The following IGF2BP3 variants were observed in gnomAD, a reference collection of about 807,000 sequenced individuals.
The protein encoded by IGF2BP3 is insulin-like growth factor 2 mRNA-binding protein 3.
Under a neutral mutation model 73.8 loss-of-function variants are expected in IGF2BP3, and 9 were observed. The ratio of observed to expected loss-of-function variants is 0.12; its 90% CI spans 0.07 to 0.21. The LOEUF is 0.21. IGF2BP3 is among the 10% of genes least tolerant of loss of function. The probability of loss-of-function intolerance (pLI) is 1.00; values close to 1 mark genes in which losing one functional copy is unlikely to be tolerated. For missense variants in IGF2BP3, 542 were observed against 714.0 expected, an observed-to-expected ratio of 0.76 and a Z score of 2.75; for synonymous variants, 258 against 256.7, an observed-to-expected ratio of 1.01 and a Z score of -0.05.
intron 3 of IGF2BP3, among the ~76,000 whole-genome samples, chr7:23,398,380 CA>C (rs1390382853): frequency 6.6e-6 from 1 of 152,160 alleles, no homozygotes; most frequent in Non-Finnish European, 1.5e-5. Context: ...CATATGTGTG[CA>C]TGTGTCTTTA....
intron 8 of IGF2BP3, among the ~76,000 whole-genome samples, chr7:23,344,467 C>T (rs1268006815): frequency 2.0e-5 from 3 of 152,110 alleles, no homozygotes; most frequent in Non-Finnish European, 2.9e-5. Flanking sequence ...AATGGTTCAC[C>T]GATGCCATTT....
chr7:23,367,408 G>C (rs1483771786), intron 3 of IGF2BP3, among the ~76,000 whole-genome samples: 1 of 145,096 alleles, frequency 6.9e-6, no homozygotes, highest in African/African-American at 2.8e-5. Flanking sequence ...ATCATTCTAT[G>C]TCAGCCACAA....
chr7:23,434,003 G>C, intron 2 of IGF2BP3, among the ~76,000 whole-genome samples: 1 of 151,290 alleles, frequency 6.6e-6, no homozygotes. Context: ...GCTTAAACCT[G>C]GAAGGCAGAG....
chr7:23,355,062 G>GA (rs1285351466), intron 5 of IGF2BP3, among the ~76,000 whole-genome samples: 2 of 151,762 alleles, frequency 1.3e-5, no homozygotes, highest in Non-Finnish European at 2.9e-5. Context: ...AGTTCACGAG[G>GA]AAAAAAAATT....
At chr7:23,365,022 C>T (rs426889) in intron 3 of IGF2BP3, among the ~76,000 whole-genome samples, 6,036 of 152,074 alleles carry the variant, frequency 0.04, 250 homozygotes, top group African/African-American at 0.1. Flanking sequence ...AAACATTAGC[C>T]TGCAGTGGTG....
chr7:23,358,511 C>T (rs1298367070), intron 5 of IGF2BP3, among the ~76,000 whole-genome samples: 7 of 152,198 alleles, frequency 4.6e-5, no homozygotes, highest in African/African-American at 1.7e-4. Flanking sequence ...CTCCAAGCAG[C>T]CCAGAACCAG....
intron 3 of IGF2BP3, among the ~76,000 whole-genome samples, chr7:23,397,817 G>C (rs1475418329): frequency 6.6e-6 from 1 of 152,118 alleles, no homozygotes; most frequent in Non-Finnish European, 1.5e-5. Context: ...ACCTCCTAAT[G>C]CTTAAAAACT....
intron 6 of IGF2BP3, among the ~76,000 whole-genome samples, chr7:23,349,462 C>T (rs751510993): frequency 1.3e-5 from 2 of 152,202 alleles, no homozygotes; most frequent in African/African-American, 2.4e-5. Context: ...TTCCCGGCTG[C>T]TGTTTCAATC....
chr7:23,334,377 G>T (rs1784519673), intron 10 of IGF2BP3, among the ~76,000 whole-genome samples: 1 of 152,150 alleles, frequency 6.6e-6, no homozygotes, highest in African/African-American at 2.4e-5. Flanking sequence ...GCCTATGCTA[G>T]AACAAGCCTG....
chr7:23,388,647 C>T (rs964376837), intron 3 of IGF2BP3, among the ~76,000 whole-genome samples: 8 of 150,142 alleles, frequency 5.3e-5, no homozygotes, highest in East Asian at 2.0e-4. Flanking sequence ...AGAACATTCC[C>T]CAAGGGAGGA....
chr7:23,468,124 G>A lies in IGF2BP3; in HGVS notation c.236+358C>T, dbSNP rs994361445. 9.2e-5 allele frequency among the ~76,000 whole-genome samples: 14 copies of A among 152,300 alleles called. No individual in the cohort carries two copies. In the East Asian group the frequency reaches 1.2e-3, roughly 13 times the overall value. On this transcript the variant is annotated intron_variant, in intron 2 of 14. Transcript: ENST00000258729. ...CGCCTCTCCTGCTCCTGGAGGGGTG[G>A]GGGAATCATCCGCTGCTTCCCAAGC...
chr7:23,371,031 CA>C (rs1429433262), intron 3 of IGF2BP3, among the ~76,000 whole-genome samples: 1 of 152,046 alleles, frequency 6.6e-6, no homozygotes, highest in Admixed American at 6.6e-5. Flanking sequence ...AGGTATTTGT[CA>C]GGAATTTATA....
intron 2 of IGF2BP3, among the ~76,000 whole-genome samples, chr7:23,435,129 C>T (rs1283780895): frequency 6.6e-6 from 1 of 151,598 alleles, no homozygotes; most frequent in Non-Finnish European, 1.5e-5. Context: ...CCCATCTCTA[C>T]TAAAAGTACA....
chr7:23,407,127 G>A (rs964551693), intron 3 of IGF2BP3, among the ~76,000 whole-genome samples: 1 of 150,656 alleles, frequency 6.6e-6, no homozygotes, highest in African/African-American at 2.4e-5. Context: ...AGACATTAAA[G>A]GATAAGCGAA....
chr7:23,319,598 C>T (rs1304178047), intron 10 of IGF2BP3, among the ~76,000 whole-genome samples: 1 of 152,146 alleles, frequency 6.6e-6, no homozygotes. Context: ...GAGCCCCCTA[C>T]CACTCTCAAG....
intron 2 of IGF2BP3, among the ~76,000 whole-genome samples, chr7:23,433,506 A>T (rs1787738923): frequency 6.8e-6 from 1 of 147,678 alleles, no homozygotes; most frequent in African/African-American, 2.5e-5. Context: ...TTTTTTTGAG[A>T]CAGGGTTTTT....
At chr7:23,399,707 CAT>C (rs1280386949) in intron 3 of IGF2BP3, among the ~76,000 whole-genome samples, 3 of 152,300 alleles carry the variant, frequency 2.0e-5, no homozygotes, top group African/African-American at 7.2e-5. Context: ...TACCATCACT[CAT>C]ATTGAATTGC....
rs182335424 is a variant in IGF2BP3 at position 23,320,676 on chromosome 7, A to G, written c.1204-1422T>C. ...AAAAAAAAAAAAAAAAGCCAGGCAC[A>G]GTAGTTCATGCCTGTAATCCCAGCA... On this transcript the variant is annotated intron_variant, in intron 10 of 14. Coordinates refer to ENST00000258729, the MANE Select transcript of IGF2BP3 (RefSeq NM_006547.3). Among the ~76,000 whole-genome samples the G allele has an allele frequency of 2.4e-3, 360 of 150,224 alleles. 3 individuals are homozygous for G. The highest frequency in any genetic ancestry group is 8.3e-3 in the African/African-American group (341 of 41,100).
At chr7:23,381,272 T>C (rs1785900961) in intron 3 of IGF2BP3, among the ~76,000 whole-genome samples, 1 of 152,134 alleles carries the variant, frequency 6.6e-6, no homozygotes, top group Non-Finnish European at 1.5e-5. Flanking sequence ...GATGCAAAAA[T>C]TGAGTTTCAA....
Sources: gnomAD v4.1 joint callset for allele counts (sites outside exome capture counted in the v4.1 genomes callset) on GRCh38, gnomAD v4.1.1 for gene constraint, MANE v1.5 for transcripts, NCBI Gene and HGNC (gene_info 2026-07-23, HGNC 2026-07-21) for gene names.